Variants in SGCD observed in about 807,000 individuals in gnomAD.
The protein encoded by SGCD is sarcoglycan delta, also known as delta-sarcoglycan.
Under a neutral mutation model 36.6 loss-of-function variants are expected in SGCD, and 18 were observed. The observed-to-expected ratio is 0.49, with a 90% CI of 0.34 to 0.73. SGCD has a LOEUF of 0.73. Among genes scored for constraint, SGCD ranks in the 30% least tolerant of loss-of-function variants. The pLI, the probability that SGCD is intolerant of heterozygous loss-of-function variation, is 0.01. For missense variants in SGCD, 387 were observed against 346.7 expected (o/e 1.12, Z -0.92); for synonymous variants, 133 against 130.6 (o/e 1.02, Z -0.12).
chr5:156,058,353 A>ATAT (rs1242750459), intron 1 of SGCD, among the ~76,000 whole-genome samples: 2 of 146,588 alleles, frequency 1.4e-5, no homozygotes, highest in Admixed American at 6.8e-5. Flanking sequence ...AGGGAGTGGG[A>ATAT]TACCTCACAT....
intron 3 of SGCD, among the ~76,000 whole-genome samples, chr5:156,394,411 G>T (rs1580922614): frequency 6.6e-6 from 1 of 152,248 alleles, no homozygotes; most frequent in African/African-American, 2.4e-5. Flanking sequence ...AAACCAATTT[G>T]GGAATTAACA....
At chr5:156,403,145 C>T (rs542801620) in intron 3 of SGCD, among the ~76,000 whole-genome samples, 2 of 152,262 alleles carry the variant, frequency 1.3e-5, no homozygotes, top group African/African-American at 4.8e-5. Context: ...CACCCTGCCG[C>T]CTTTTCCTGT....
At chr5:156,577,589 C>T (rs548555381) in intron 4 of SGCD, among the ~76,000 whole-genome samples, 8 of 152,244 alleles carry the variant, frequency 5.3e-5, no homozygotes, top group African/African-American at 1.7e-4. Context: ...TCTTTTACTT[C>T]GTTGAGCAGT....
At chr5:156,727,124 T>G (rs1397582750) in intron 7 of SGCD, among the ~76,000 whole-genome samples, 1 of 152,174 alleles carries the variant, frequency 6.6e-6, no homozygotes, top group Non-Finnish European at 1.5e-5. Flanking sequence ...TGGGCTCAAC[T>G]CTAAACACTG....
At chr5:156,694,259 C>G (rs1754223907) in intron 7 of SGCD, among the ~76,000 whole-genome samples, 1 of 152,222 alleles carries the variant, frequency 6.6e-6, no homozygotes, top group African/African-American at 2.4e-5. Context: ...GTGCTGACTC[C>G]TGGATCTGGG....
chr5:156,591,567 C>T (rs1041251281), intron 5 of SGCD, among the ~76,000 whole-genome samples: 2 of 152,154 alleles, frequency 1.3e-5, no homozygotes, highest in African/African-American at 4.8e-5. Flanking sequence ...GGCTTGAAGG[C>T]CACCAGGCCT....
the SGCD span, among the ~76,000 whole-genome samples, chr5:155,774,941 T>C: frequency 1.3e-5 from 2 of 152,168 alleles, no homozygotes; most frequent in Non-Finnish European, 2.9e-5. Context: ...CTCAATCACA[T>C]TGATGCTGCA....
intron 1 of SGCD, among the ~76,000 whole-genome samples, chr5:155,963,821 A>G (rs1757842222): frequency 6.6e-6 from 1 of 152,090 alleles, no homozygotes; most frequent in East Asian, 1.9e-4. Context: ...TTTATAATTT[A>G]TCTTTTTTTG....
At chr5:156,359,209 C>G (rs918142170) in intron 3 of SGCD, among the ~76,000 whole-genome samples, 3 of 152,138 alleles carry the variant, frequency 2.0e-5, no homozygotes, top group Non-Finnish European at 4.4e-5. Context: ...TGGTTTATAA[C>G]AGGTCTTTTG....
chr5:156,198,422 A>G (rs1393064417), intron 3 of SGCD, among the ~76,000 whole-genome samples: 2 of 152,168 alleles, frequency 1.3e-5, no homozygotes, highest in Non-Finnish European at 1.5e-5. Context: ...TGCCTTTATT[A>G]ATTCACTTAA....
At chr5:156,205,560 C>T (rs1178158947) in intron 3 of SGCD, among the ~76,000 whole-genome samples, 1 of 152,010 alleles carries the variant, frequency 6.6e-6, no homozygotes, top group Non-Finnish European at 1.5e-5. Flanking sequence ...AATGGCTATA[C>T]ATTTTATCCT....
chr5:156,439,539 T>C (rs1207795618), intron 3 of SGCD, among the ~76,000 whole-genome samples: 1 of 152,080 alleles, frequency 6.6e-6, no homozygotes, highest in Non-Finnish European at 1.5e-5. Flanking sequence ...CTCCCCACCA[T>C]GGTGGGGTTA....
At chr5:156,006,896 T>C (rs1758769010) in intron 1 of SGCD, among the ~76,000 whole-genome samples, 1 of 152,210 alleles carries the variant, frequency 6.6e-6, no homozygotes, top group Non-Finnish European at 1.5e-5. Flanking sequence ...TTGGCTGTTT[T>C]AGAGGAACCC....
At position 156,063,412 on chromosome 5, in the gene SGCD, T is replaced by C. The variant is rs1288154275; in HGVS notation, c.-281-54466T>C. Among the ~76,000 whole-genome samples the C allele has an allele frequency of 4.3e-5, 4 of 92,064 alleles. No homozygotes were observed. The East Asian group carries it at 9.5e-4, about 22-fold the overall frequency. The allele number at this position is 92,064 out of a possible 152,430, so 60.4% of individuals were successfully genotyped here. A position where few individuals can be genotyped will look rare whatever the true frequency, so the allele number is the denominator to read the frequency against. Reference sequence around the variant, plus strand: ...TTTTGGCTTAGGATTGACTTGGCAATGCGGGCTCTTTTTTGGTTCCATATG... The same window carrying C: ...TTTTGGCTTAGGATTGACTTGGCAACGCGGGCTCTTTTTTGGTTCCATATG... On this transcript the variant is annotated intron_variant, in intron 1 of 9. Coordinates refer to the SGCD transcript ENST00000517913.
the SGCD span, among the ~76,000 whole-genome samples, chr5:155,783,276 A>G: frequency 2.6e-5 from 4 of 152,206 alleles, no homozygotes; most frequent in Non-Finnish European, 5.9e-5. Context: ...AGCTTTACAA[A>G]GAAGGACGAA....
chr5:156,352,066 T>G (rs17053458), intron 3 of SGCD, among the ~76,000 whole-genome samples: 5,270 of 152,316 alleles, frequency 0.035, 237 homozygotes, highest in African/African-American at 0.097. Flanking sequence ...GAAGTCTCAT[T>G]CTAATAGAGA....
the SGCD span, among the ~76,000 whole-genome samples, chr5:155,772,703 T>C: frequency 2.6e-5 from 4 of 152,180 alleles, no homozygotes; most frequent in African/African-American, 7.2e-5. Flanking sequence ...TGCATTTGTG[T>C]ACTGATTTTG....
chr5:156,031,119 A>G (rs1244962707), intron 1 of SGCD, among the ~76,000 whole-genome samples: 1 of 152,198 alleles, frequency 6.6e-6, no homozygotes. Context: ...TGTATGGAGC[A>G]GAAGTTCTCC....
At chr5:156,292,683 T>C (rs1766790031) in intron 3 of SGCD, among the ~76,000 whole-genome samples, 1 of 152,112 alleles carries the variant, frequency 6.6e-6, no homozygotes. Flanking sequence ...ACCATACTAT[T>C]TTCCACAGTG....
Sources: allele counts gnomAD v4.1 joint callset (sites outside exome capture counted in the v4.1 genomes callset), GRCh38; gene constraint gnomAD v4.1.1; transcripts MANE v1.5; gene names NCBI Gene and HGNC (gene_info 2026-07-23, HGNC 2026-07-21).